The following NBR1 variants were observed in gnomAD, a reference collection of about 807,000 sequenced individuals.
The protein encoded by NBR1 is next to BRCA1 gene 1 protein.
A neutral mutation model predicts 115.5 loss-of-function variants in NBR1; 59 were observed. The observed-to-expected ratio is 0.51, with a 90% CI of 0.41 to 0.63. The LOEUF is 0.63. Among genes scored for constraint, NBR1 ranks in the 30% least tolerant of loss-of-function variants. The pLI is 0.00. For missense variants in NBR1, 1,043 were observed against 1,150.5 expected (o/e 0.91, Z 1.35); for synonymous variants, 373 against 414.7 (o/e 0.90, Z 1.22).
At chr17:43,206,765 G>A (rs2057326217) in intron 20 of NBR1, among the ~76,000 whole-genome samples, 1 of 151,976 alleles carries the variant, frequency 6.6e-6, no homozygotes, top group Non-Finnish European at 1.5e-5. Context: ...TGATTAAGTG[G>A]CTAAAAAGAA....
intron 4 of NBR1, among the ~76,000 whole-genome samples, chr17:43,180,357 T>C (rs966131502): frequency 2.0e-5 from 3 of 152,214 alleles, no homozygotes; most frequent in Admixed American, 1.3e-4. Context: ...CTGTATACTA[T>C]AGACAGTTGA....
chr17:43,205,693 AG>A (rs2057300313), intron 20 of NBR1, among the ~76,000 whole-genome samples: 2 of 152,028 alleles, frequency 1.3e-5, no homozygotes, highest in Admixed American at 1.3e-4. Context: ...TTTGGGCAAC[AG>A]GGCAAAACCC....
Position 43,189,769 on chromosome 17 carries a change from AAAG to A in NBR1, c.666_668del (p.Arg223del). 1 of 1,613,824 alleles carries A rather than the reference AAAG, an allele frequency of 6.2e-7. No individual in the cohort carries two copies. Among genetic ancestry groups the A allele is most frequent in the Non-Finnish European group, 8.5e-7 (1 of 1,179,902 alleles). On this transcript the variant is annotated inframe_deletion, in exon 8 of 21. Coordinates refer to ENST00000590996, the MANE Select transcript of NBR1 (RefSeq NM_005899.5). ...TGGCATATTGCTTGCAACAACTGCC[AAAG>A]AAGGATTGTTGGTGTCCGCTACCAG... is the stretch of plus-strand genomic sequence containing the variant.
intron 5 of NBR1, among the ~76,000 whole-genome samples, chr17:43,183,359 T>A (rs988917825): frequency 6.6e-6 from 1 of 151,636 alleles, no homozygotes; most frequent in Non-Finnish European, 1.5e-5. Context: ...TAGCTGGGAC[T>A]ACGGGCATGC....
intron 17 of NBR1, 102 bp downstream of exon 17, chr17:43,200,710 G>A: frequency 1.0e-6 from 1 of 1,004,958 alleles, no homozygotes; most frequent in Non-Finnish European, 1.4e-6. Context: ...TATGGAAAGA[G>A]ACTATTTTCC....
At chr17:43,190,049 C>A in intron 8 of NBR1, 21 of 442,840 alleles carry the variant, frequency 4.7e-5, no homozygotes, top group Admixed American at 7.3e-5. Context: ...CCTGAACGGA[C>A]AAAATTAGAT....
At chr17:43,190,961 A>G (rs1000326278) in intron 9 of NBR1, among the ~76,000 whole-genome samples, 185 bp downstream of exon 9, 1 of 152,232 alleles carries the variant, frequency 6.6e-6, no homozygotes, top group Non-Finnish European at 1.5e-5. Flanking sequence ...AAATTAAGAA[A>G]CTAAAGTAGG....
intron 4 of NBR1, among the ~76,000 whole-genome samples, chr17:43,179,765 A>C (rs2056616900): frequency 6.6e-6 from 1 of 152,132 alleles, no homozygotes; most frequent in Non-Finnish European, 1.5e-5. Flanking sequence ...GGTATTCCAA[A>C]AGTTTATTTA....
At chr17:43,193,289 T>G (rs755790310) in intron 11 of NBR1, 36 bp downstream of exon 11, 1 of 1,613,318 alleles carries the variant, frequency 6.2e-7, no homozygotes, top group Admixed American at 1.7e-5. Flanking sequence ...ATGAGGTGAT[T>G]TGAAGTGGCA....
rs749008009 is a variant in NBR1 at position 43,194,401 on chromosome 17, C to A, written c.1576C>A (p.Gln526Lys). Reference protein sequence around the residue: ...EERQLGEVTEQTEGTAACIPQ... With the variant: ...EERQLGEVTEKTEGTAACIPQ... Reference sequence around the variant, plus strand: ...AAGACAGCTTGGTGAAGTGACTGAGCAGACAGAAGGGACAGCAGCCTGCAT... The same window carrying A: ...AAGACAGCTTGGTGAAGTGACTGAGAAGACAGAAGGGACAGCAGCCTGCAT... Residue 526 changes from glutamine to lysine, a missense_variant, in exon 13 of 21, where the codon CAG becomes AAG. Physicochemically the swap from Gln to Lys is moderately conservative, Grantham distance 53 (BLOSUM62 1). Transcript: ENST00000590996. 3.7e-6 allele frequency: 6 copies of A among 1,613,940 alleles called. No homozygotes were observed. The highest frequency in any genetic ancestry group is 5.1e-6 in the Non-Finnish European group (6 of 1,179,878).
Position 43,204,514 on chromosome 17 carries a change from A to C in NBR1, c.2727+728A>C, listed in dbSNP as rs539950297. Among the ~76,000 whole-genome samples, 12 of 151,424 alleles carry C rather than the reference A, an allele frequency of 7.9e-5. No homozygotes were observed. In the East Asian group the frequency reaches 1.0e-3, roughly 13 times the overall value. ...GTGAGACCCCCATCTCTACAAAAAA[A>C]TTTAAAAATTAGATAAGTATGGCCG... is the stretch of plus-strand genomic sequence containing the variant. On this transcript the variant is annotated intron_variant, in intron 20 of 20. Transcript: ENST00000590996.
At chr17:43,184,026 A>C (rs530455462) in intron 5 of NBR1, among the ~76,000 whole-genome samples, 1 of 151,548 alleles carries the variant, frequency 6.6e-6, no homozygotes, top group South Asian at 2.1e-4. Flanking sequence ...TGTTAAAAAA[A>C]ATCACTTCGA....
At chr17:43,189,466 A>C in intron 7 of NBR1, 122 bp from the exon 8 acceptor site, 2 of 675,422 alleles carry the variant, frequency 3.0e-6, no homozygotes, top group Non-Finnish European at 5.2e-6. Context: ...ATTCAGTAGC[A>C]GTTGTTTATT....
intron 19 of NBR1, among the ~76,000 whole-genome samples, chr17:43,203,232 G>C (rs942779811): frequency 6.6e-6 from 1 of 152,112 alleles, no homozygotes; most frequent in African/African-American, 2.4e-5. Context: ...CTGGGGAAAA[G>C]GTAGAAAGGT....
intron 20 of NBR1, among the ~76,000 whole-genome samples, chr17:43,209,291 T>C (rs1445813582): frequency 6.6e-6 from 1 of 152,054 alleles, no homozygotes; most frequent in Admixed American, 6.6e-5. Context: ...TTAGCCAGGA[T>C]GGTCTCAATC....
intron 1 of NBR1, among the ~76,000 whole-genome samples, chr17:43,172,251 C>T (rs764349652): frequency 2.0e-5 from 3 of 152,158 alleles, no homozygotes; most frequent in Admixed American, 6.5e-5. Context: ...GATTAATGCT[C>T]CTGCTGAAAG....
intron 3 of NBR1, among the ~76,000 whole-genome samples, chr17:43,178,484 C>A (rs1026702803): frequency 6.6e-6 from 1 of 150,706 alleles, no homozygotes; most frequent in Admixed American, 6.6e-5. Flanking sequence ...TCAAGTGATT[C>A]TCCTGTCTCA....
chr17:43,188,720 C>G (rs1037402371), intron 6 of NBR1, among the ~76,000 whole-genome samples: 2 of 152,178 alleles, frequency 1.3e-5, no homozygotes, highest in African/African-American at 4.8e-5. Flanking sequence ...ATAGGGAATC[C>G]TTTCCCCATT....
chr17:43,178,194 A>C (rs2056571661), intron 3 of NBR1, among the ~76,000 whole-genome samples, 196 bp downstream of exon 3: 1 of 151,922 alleles, frequency 6.6e-6, no homozygotes, highest in African/African-American at 2.4e-5. Flanking sequence ...ACACTGAAGA[A>C]TATCTCAGAG....
Sources: allele counts gnomAD v4.1 joint callset (sites outside exome capture counted in the v4.1 genomes callset), GRCh38; gene constraint gnomAD v4.1.1; transcripts MANE v1.5; gene names NCBI Gene and HGNC (gene_info 2026-07-23, HGNC 2026-07-21).